CACNA1I: variants seen among roughly 807,000 people sequenced by gnomAD.
CACNA1I encodes the protein calcium voltage-gated channel subunit alpha1 I.
In CACNA1I, 74 loss-of-function variants were observed where a neutral mutation model predicts 201.6. That is an observed-to-expected ratio of 0.37 (90% CI 0.30 to 0.45). The LOEUF (loss-of-function observed/expected upper bound fraction) is 0.45, where lower values mean the gene tolerates loss of function less well. Among genes scored for constraint, CACNA1I ranks in the 20% least tolerant of loss-of-function variants. The pLI, the probability that CACNA1I is intolerant of heterozygous loss-of-function variation, is 1.00. For synonymous variants in CACNA1I, 1,431 were observed against 1,345.2 expected (o/e 1.06, Z -1.40); for missense variants, 2,346 against 3,138.1 (o/e 0.75, Z 6.03).
At chr22:39,643,380 C>T (rs1934397180) in intron 7 of CACNA1I, 1 of 158,674 alleles carries the variant, frequency 6.3e-6, no homozygotes, top group Admixed American at 6.2e-5. Context: ...TTGGGCAGCC[C>T]TGCCTTGTTG....
chr22:39,622,818 G>A (rs1933786983), intron 4 of CACNA1I, among the ~76,000 whole-genome samples: 1 of 152,070 alleles, frequency 6.6e-6, no homozygotes, highest in Non-Finnish European at 1.5e-5. Flanking sequence ...GGCCAGCACA[G>A]AGGGCCACGT....
In CACNA1I at chr22:39,629,458, T is replaced by TCC. The variant is rs932704582; in HGVS notation, c.581-5104_581-5103dup. Among the ~76,000 whole-genome samples, 5 of 151,584 alleles carry TCC rather than the reference T, an allele frequency of 3.3e-5. No individual in the cohort carries two copies. Among genetic ancestry groups the TCC allele is most frequent in the Non-Finnish European group, 7.4e-5 (5 of 67,938 alleles). Reference sequence around the variant, plus strand: ...AAAATACCTCCAGAATCCACCATGTTCCCCACTCCACTGCCATCATTATCT... The same window carrying TCC: ...AAAATACCTCCAGAATCCACCATGTTCCCCCCACTCCACTGCCATCATTATCT... On this transcript the variant is annotated intron_variant, in intron 4 of 36. Transcript: ENST00000402142. This position sits in a 1 kb window ranked among gnomAD's most constrained non-coding sequence, Gnocchi z 4.8.
In CACNA1I at chr22:39,665,013, C is replaced by T. The variant is rs1350731720; in HGVS notation, c.3851+90C>T. 9.9e-6 allele frequency: 12 copies of T among 1,213,594 alleles called. No homozygotes were observed. Among genetic ancestry groups the T allele is most frequent in the African/African-American group, 3.0e-5 (2 of 67,414 alleles). The allele number at this position is 1,213,594 out of a possible 1,614,324, so 75.2% of individuals were successfully genotyped here. ...AATTGGGCCCTCACTCCGCCCTCCCCGCCCGCCCACTCGGTCCTCCAATAG... is the reference window on the plus strand; with the variant it reads ...AATTGGGCCCTCACTCCGCCCTCCCTGCCCGCCCACTCGGTCCTCCAATAG... On this transcript the variant is annotated intron_variant, in intron 21 of 36. Transcript: ENST00000402142. This position sits in a 1 kb window ranked among gnomAD's most constrained non-coding sequence, Gnocchi z 5.5.
At chr22:39,621,043 C>G (rs1933728899) in intron 4 of CACNA1I, among the ~76,000 whole-genome samples, 1 of 152,214 alleles carries the variant, frequency 6.6e-6, no homozygotes, top group Non-Finnish European at 1.5e-5. Flanking sequence ...CAGGCATGAG[C>G]CACTGCACCT....
rs1300383061 is a variant in CACNA1I, at chr22:39,665,655, G to T, written c.3978+31G>T. The T allele has an allele frequency of 6.2e-7, 1 of 1,606,892 alleles. No homozygotes were observed. The highest frequency in any genetic ancestry group is 1.1e-5 in the South Asian group (1 of 90,852). On this transcript the variant is annotated intron_variant, in intron 22 of 36. Transcript: ENST00000402142. This position sits in a 1 kb window ranked among gnomAD's most constrained non-coding sequence, Gnocchi z 5.5. The stretch of plus-strand genomic sequence containing the variant: ...GGGTGCCCAGTCTGGGCAGGGACTG[G>T]GCTCTGTGACTGGGGAAAAGGAAGT...
intron 4 of CACNA1I, among the ~76,000 whole-genome samples, chr22:39,620,983 C>T (rs1330213171): frequency 2.0e-5 from 3 of 152,140 alleles, no homozygotes. Context: ...GTCTCGAACT[C>T]CTGACCTCAG....
At chr22:39,620,060 C>A (rs1019856424) in intron 4 of CACNA1I, among the ~76,000 whole-genome samples, 10 of 116,332 alleles carry the variant, frequency 8.6e-5, no homozygotes, top group Non-Finnish European at 1.5e-4. Flanking sequence ...TCCACCCACC[C>A]ACCCATCCAC....
At position 39,649,654 on chromosome 22, in the gene CACNA1I, A is replaced by T; in HGVS notation, c.1721A>T (p.Gln574Leu). 1 of 1,518,162 alleles carries T rather than the reference A, an allele frequency of 6.6e-7. No individual in the cohort carries two copies. Among genetic ancestry groups the T allele is most frequent in the Non-Finnish European group, 8.8e-7 (1 of 1,130,266 alleles). The allele number at this position is 1,518,162 out of a possible 1,614,324, so 94.0% of individuals were successfully genotyped here. A position where few individuals can be genotyped will look rare whatever the true frequency, so the allele number is the denominator to read the frequency against. Residue 574 changes from glutamine (Q) to leucine (L), a missense_variant, in exon 10 of 37, where the codon CAG (glutamine) becomes CTG (leucine). Around this residue, in one of 13 missense-constraint regions of CACNA1I, gnomAD observed 312 missense variants for 331.5 expected, o/e 0.94. Coordinates refer to ENST00000402142, the MANE Select transcript of CACNA1I (RefSeq NM_021096.4). The surrounding 1 kb of genome is among the most constrained non-coding windows in gnomAD (Gnocchi z 7.3). ...GGCCTGGGCAGCACCGACTCGGGCCAGGAGGGCTCGGGCTCCGGGAGCTCC... is the reference window on the plus strand; with the variant it reads ...GGCCTGGGCAGCACCGACTCGGGCCTGGAGGGCTCGGGCTCCGGGAGCTCC... ...PSGLGSTDSG[Q>L]EGSGSGSSAG...
intron 4 of CACNA1I, among the ~76,000 whole-genome samples, chr22:39,622,584 G>T (rs898890542): frequency 7.0e-6 from 1 of 142,554 alleles, no homozygotes; most frequent in Non-Finnish European, 1.5e-5. Flanking sequence ...AACACCCCTG[G>T]CCAGAGTGCG....
intron 3 of CACNA1I, among the ~76,000 whole-genome samples, chr22:39,613,680 G>A (rs1933446335): frequency 1.3e-5 from 2 of 152,162 alleles, no homozygotes; most frequent in Admixed American, 6.5e-5. Flanking sequence ...GCTGTGGTGG[G>A]CGCTGTGCCT....
In CACNA1I at chr22:39,619,387, A is replaced by C. The variant is rs1394474462; in HGVS notation, c.560A>C (p.Lys187Thr). 6.2e-7 allele frequency: 1 copy of C among 1,608,736 alleles called. No individual in the cohort carries two copies. Among genetic ancestry groups the C allele is most frequent in the African/African-American group, 1.3e-5 (1 of 74,924 alleles). ...IRTVRVLRPL[K>T]AINRVPSMRI... is the part of the protein sequence containing the mutation. ...ACCGTGCGCGTCCTGAGGCCCCTCA[A>C]AGCCATCAACCGCGTGCCCAGTGAG... is the stretch of plus-strand genomic sequence containing the variant. Residue 187 changes from lysine to threonine, a missense_variant, in exon 4 of 37, where the codon AAA becomes ACA. Lys to Thr is a moderately conservative substitution (Grantham distance 78, BLOSUM62 -1). Around this residue, in one of 13 missense-constraint regions of CACNA1I, gnomAD observed 227 missense variants for 412.5 expected, o/e 0.55. Coordinates refer to ENST00000402142, the MANE Select transcript of CACNA1I (RefSeq NM_021096.4).
At chr22:39,632,223 C>G (rs1386641511) in intron 4 of CACNA1I, among the ~76,000 whole-genome samples, 1 of 152,200 alleles carries the variant, frequency 6.6e-6, no homozygotes, top group Admixed American at 6.5e-5. Context: ...TCTCATCCAG[C>G]CTCTTCTCCA....
intron 1 of CACNA1I, among the ~76,000 whole-genome samples, chr22:39,573,207 C>T (rs192501547): frequency 5.9e-5 from 9 of 152,250 alleles, no homozygotes; most frequent in Non-Finnish European, 1.3e-4. Flanking sequence ...GACAATTTCA[C>T]AATGTCTCAG....
In CACNA1I at chr22:39,598,274, G is replaced by GGCCCCCCCCCCCCC; in HGVS notation, c.348+12_348+13insGCCCCCCCCCCCCC. The GGCCCCCCCCCCCCC allele has an allele frequency of 7.6e-7, 1 of 1,311,188 alleles. No homozygotes were observed. The highest frequency in any genetic ancestry group is 1.0e-6 in the Non-Finnish European group (1 of 971,796). 81.2% of individuals were successfully genotyped at this position (1,311,188 alleles called of 1,614,324 possible). A position where few individuals can be genotyped will look rare whatever the true frequency, so the allele number is the denominator to read the frequency against. ...GCAAGATCCTGCAGGTGAGCCGGCC[G>GGCCCCCCCCCCCCC]CCCCGCCCCGCCCCGCCCTGCCCTC... On this transcript the variant is annotated intron_variant, in intron 2 of 36. Transcript: ENST00000402142.
chr22:39,686,564 C>T lies in CACNA1I; in HGVS notation c.*159C>T. 5.0e-6 allele frequency: 2 copies of T among 397,348 alleles called. No individual in the cohort carries two copies. The highest frequency in any genetic ancestry group is 8.0e-6 in the Non-Finnish European group (2 of 249,236). The allele number at this position is 397,348 out of a possible 1,614,324, so 24.6% of individuals were successfully genotyped here. A position where few individuals can be genotyped will look rare whatever the true frequency, so the allele number is the denominator to read the frequency against. On this transcript the variant is annotated 3_prime_UTR_variant, in exon 37 of 37. Coordinates refer to ENST00000402142, the MANE Select transcript of CACNA1I (RefSeq NM_021096.4). ...CCGGGCTGAGCGGAGTCTGGGTTAG[C>T]CAGGCCTGCGTGGCCCATGGTGGCC... is the stretch of plus-strand genomic sequence containing the variant.
At chr22:39,680,494 C>T (rs1935670576) in intron 33 of CACNA1I, among the ~76,000 whole-genome samples, 1 of 152,234 alleles carries the variant, frequency 6.6e-6, no homozygotes, top group Non-Finnish European at 1.5e-5. Context: ...CATCCCTGCC[C>T]TGTGGTGGCT....
chr22:39,615,638 T>A (rs938129595), intron 3 of CACNA1I, among the ~76,000 whole-genome samples: 1 of 152,220 alleles, frequency 6.6e-6, no homozygotes, highest in Non-Finnish European at 1.5e-5. Context: ...CTCCCCATCC[T>A]TGTCCTGTGT....
intron 3 of CACNA1I, among the ~76,000 whole-genome samples, chr22:39,607,852 C>T (rs1020673080): frequency 6.9e-5 from 10 of 144,316 alleles, no homozygotes; most frequent in African/African-American, 1.3e-4. Context: ...AGTCCGGGTG[C>T]GGTGGCTCAC....
At position 39,662,190 on chromosome 22, in the gene CACNA1I, G is replaced by C. The variant is rs1401751777; in HGVS notation, c.3127G>C (p.Gly1043Arg). ...HTPHAHHIHH[G>R]PHLAHRHRHH... ...CCCACACGCCCACCACATTCATCAC[G>C]GGCCCCATCTGGCGCACCGCCACCG... Residue 1043 changes from glycine (G) to arginine (R), a missense_variant, in exon 17 of 37, where the codon GGG (glycine) becomes CGG (arginine). By Grantham distance (125) the Gly-to-Arg change is moderately radical (BLOSUM62 -2). Coordinates refer to ENST00000402142, the MANE Select transcript of CACNA1I (RefSeq NM_021096.4). 2.0e-6 allele frequency: 3 copies of C among 1,528,892 alleles called. No homozygotes were observed. The highest frequency in any genetic ancestry group is 2.6e-6 in the Non-Finnish European group (3 of 1,141,370). The allele number at this position is 1,528,892 out of a possible 1,614,324, so 94.7% of individuals were successfully genotyped here. A position where few individuals can be genotyped will look rare whatever the true frequency, so the allele number is the denominator to read the frequency against.
Sources: gnomAD v4.1 joint callset for allele counts (sites outside exome capture counted in the v4.1 genomes callset) on GRCh38, gnomAD v4.1.1 for gene constraint, gnomAD v4.1.1 regional missense constraint, Gnocchi (gnomAD v3.1) non-coding constraint, MANE v1.5 for transcripts, NCBI Gene and HGNC (gene_info 2026-07-23, HGNC 2026-07-21) for gene names.